Variants in HRH1 observed in about 807,000 individuals in gnomAD.
The protein encoded by HRH1 is histamine H1 receptor.
In HRH1, 6 loss-of-function variants were observed where a neutral mutation model predicts 10.3. The observed-to-expected ratio is 0.58, with a 90% confidence interval of 0.32 to 1.15. The LOEUF (loss-of-function observed/expected upper bound fraction) is 1.15, where lower values mean the gene tolerates loss of function less well. Among genes scored for constraint, HRH1 ranks in the 50% most tolerant of loss-of-function variants. HRH1 has a pLI of 0.05. For synonymous variants in HRH1, 242 were observed against 236.7 expected (o/e 1.02, Z -0.21); for missense variants, 514 against 615.3 (o/e 0.84, Z 1.74).
chr3:11,250,414 G>A (rs975184451), intron 1 of HRH1, among the ~76,000 whole-genome samples: 5 of 151,608 alleles, frequency 3.3e-5, no homozygotes, highest in African/African-American at 1.2e-4. Context: ...AGGGGTACCC[G>A]GGTATGATGC....
chr3:11,186,416 G>A (rs986478437), intron 1 of HRH1, among the ~76,000 whole-genome samples: 2 of 152,188 alleles, frequency 1.3e-5, no homozygotes, highest in African/African-American at 4.8e-5. Flanking sequence ...TATCAGATGA[G>A]TGGATCCTTG....
intron 1 of HRH1, among the ~76,000 whole-genome samples, chr3:11,235,510 C>T (rs1245057307): frequency 6.6e-6 from 1 of 152,166 alleles, no homozygotes. Context: ...GGAGCTCCAT[C>T]TCCCCACTAG....
At chr3:11,237,935 C>A (rs1939231863) in intron 1 of HRH1, among the ~76,000 whole-genome samples, 1 of 152,126 alleles carries the variant, frequency 6.6e-6, no homozygotes, top group Non-Finnish European at 1.5e-5. Context: ...CTCAGCCTCC[C>A]AAAGTGCTGG....
chr3:11,262,134 T>A lies in HRH1; in HGVS notation c.*1633T>A, dbSNP rs199515127. ...GTTTTACTTGGTGTTTATGTTGCAA[T>A]CTGGTTGTGATTTATATTTTAAAGC... On this transcript the variant is annotated 3_prime_UTR_variant, in exon 2 of 2. Coordinates refer to ENST00000431010, the MANE Select transcript of HRH1 (RefSeq NM_001098212.2). 1 of 167,104 alleles carries A rather than the reference T, an allele frequency of 6.0e-6. No individual in the cohort carries two copies. Among genetic ancestry groups the A allele is most frequent in the East Asian group, 1.9e-4 (1 of 5,198 alleles). The allele number at this position is 167,104 out of a possible 1,614,324, so 10.4% of individuals were successfully genotyped here.
intron 1 of HRH1, among the ~76,000 whole-genome samples, chr3:11,216,090 T>A (rs1219573890): frequency 6.6e-6 from 1 of 152,114 alleles, no homozygotes; most frequent in Non-Finnish European, 1.5e-5. Context: ...ACCTTTTGGA[T>A]CCCAATATGG....
intron 1 of HRH1, among the ~76,000 whole-genome samples, chr3:11,248,303 C>G (rs548667057): frequency 5.9e-5 from 9 of 152,284 alleles, no homozygotes; most frequent in Admixed American, 1.3e-4. Flanking sequence ...AAGCTACATT[C>G]TTGTTTACAG....
intron 1 of HRH1, among the ~76,000 whole-genome samples, chr3:11,185,998 G>GCCCCCTCCAA (rs1487069377): frequency 1.3e-5 from 2 of 152,092 alleles, no homozygotes; most frequent in African/African-American, 2.4e-5. Flanking sequence ...CCGACCTCCA[G>GCCCCCTCCAA]CCCCCTCCAA....
intron 1 of HRH1, among the ~76,000 whole-genome samples, chr3:11,163,371 A>G (rs773951195): frequency 1.3e-5 from 2 of 152,172 alleles, no homozygotes; most frequent in Non-Finnish European, 2.9e-5. Context: ...GAATTTTACC[A>G]TCTGGAAAGA....
intron 1 of HRH1, among the ~76,000 whole-genome samples, chr3:11,230,123 G>A (rs184564672): frequency 6.6e-6 from 1 of 152,302 alleles, no homozygotes; most frequent in Admixed American, 6.5e-5. Context: ...GCCAGTGACG[G>A]ACAGGAGACA....
intron 1 of HRH1, among the ~76,000 whole-genome samples, chr3:11,198,341 A>T (rs1811476): frequency 0.49 from 73,668 of 151,872 alleles, 18,575 homozygotes; most frequent in Admixed American, 0.58. Context: ...GACGCTCTTA[A>T]CATTCTCTCC....
chr3:11,236,023 G>GT (rs754413706), intron 1 of HRH1, among the ~76,000 whole-genome samples: 189 of 152,256 alleles, frequency 1.2e-3, no homozygotes, highest in Non-Finnish European at 2.4e-3. Context: ...TCACTGCTTT[G>GT]CCTTTGCCTC....
At chr3:11,199,402 C>G (rs545390736) in intron 1 of HRH1, among the ~76,000 whole-genome samples, 1 of 152,138 alleles carries the variant, frequency 6.6e-6, no homozygotes, top group African/African-American at 2.4e-5. Flanking sequence ...CATGCTGTTC[C>G]CTCTGCCTGC....
At chr3:11,167,679 A>G (rs1433993432) in intron 1 of HRH1, among the ~76,000 whole-genome samples, 1 of 152,244 alleles carries the variant, frequency 6.6e-6, no homozygotes, top group Non-Finnish European at 1.5e-5. Context: ...CTAAGAGGAA[A>G]TTTGTTTAGT....
At position 11,172,704 on chromosome 3, in the gene HRH1, C is replaced by CTTTTTTTTTT. The variant is rs537415650; in HGVS notation, c.-36+18157_-36+18166dup. On this transcript the variant is annotated intron_variant, in intron 1 of 1. Transcript: ENST00000431010. ...AATACTTTTGTGGCTTTTGGCGAAT[C>CTTTTTTTTTT]TTTTTTTTTTTTTTTTGAGATGGAG... 3.1e-3 allele frequency among the ~76,000 whole-genome samples: 405 copies of CTTTTTTTTTT among 130,820 alleles called. 20 individuals carry two copies. Among genetic ancestry groups the CTTTTTTTTTT allele is most frequent in the African/African-American group, 8.6e-3 (283 of 32,998 alleles). The allele number at this position is 130,820 out of a possible 152,430, so 85.8% of individuals were successfully genotyped here.
intron 1 of HRH1, among the ~76,000 whole-genome samples, chr3:11,192,819 T>C (rs1056800007): frequency 2.6e-5 from 4 of 152,170 alleles, no homozygotes; most frequent in South Asian, 2.1e-4. Flanking sequence ...CCATCCTAGA[T>C]GGAACCCAGT....
intron 1 of HRH1, among the ~76,000 whole-genome samples, chr3:11,162,945 A>G (rs1219137090): frequency 6.6e-6 from 1 of 152,182 alleles, no homozygotes; most frequent in Non-Finnish European, 1.5e-5. Context: ...GCACCACCAC[A>G]TCTGCACATC....
At chr3:11,142,405 G>A (rs1936308459) in intron 1 of HRH1, among the ~76,000 whole-genome samples, 2 of 152,228 alleles carry the variant, frequency 1.3e-5, no homozygotes, top group African/African-American at 4.8e-5. Context: ...CTCTGGGCCA[G>A]TTACTGCTCT....
chr3:11,258,958 C>G, intron 1 of HRH1, 45 bp from the exon 2 acceptor site: 1 of 1,418,808 alleles, frequency 7.0e-7, no homozygotes, highest in Non-Finnish European at 9.6e-7. Context: ...AGTGGCCACT[C>G]ATCACCCAAG....
At chr3:11,157,705 C>T (rs1027801570) in intron 1 of HRH1, among the ~76,000 whole-genome samples, 2 of 152,160 alleles carry the variant, frequency 1.3e-5, no homozygotes, top group African/African-American at 4.8e-5. Flanking sequence ...GGGCCAGGAT[C>T]GAAGCTGACA....
Sources: allele counts gnomAD v4.1 joint callset (sites outside exome capture counted in the v4.1 genomes callset), GRCh38; gene constraint gnomAD v4.1.1; transcripts MANE v1.5; gene names NCBI Gene and HGNC (gene_info 2026-07-23, HGNC 2026-07-21).